The following PLCB1 variants were observed in gnomAD, a reference collection of about 807,000 sequenced individuals.
PLCB1 encodes 1-phosphatidylinositol 4,5-bisphosphate phosphodiesterase beta-1.
A neutral mutation model predicts 161.8 loss-of-function variants in PLCB1; 46 were observed. The observed-to-expected ratio is 0.28, with a 90% CI of 0.22 to 0.36. PLCB1 has a LOEUF of 0.36. PLCB1 is among the 10% of genes least tolerant of loss of function. The pLI, the probability that PLCB1 is intolerant of heterozygous loss-of-function variation, is 1.00. For synonymous variants in PLCB1, 517 were observed against 503.7 expected (o/e 1.03, Z -0.35); for missense variants, 1,016 against 1,472.5 (o/e 0.69, Z 5.07).
chr20:8,216,404 T>G (rs889204280), intron 2 of PLCB1, among the ~76,000 whole-genome samples: 5 of 152,094 alleles, frequency 3.3e-5, no homozygotes, highest in African/African-American at 1.2e-4. Flanking sequence ...CAAACCTCAA[T>G]CTGAAACCAT....
intron 2 of PLCB1, among the ~76,000 whole-genome samples, chr20:8,369,597 G>A (rs551282563): frequency 6.6e-6 from 1 of 152,296 alleles, no homozygotes; most frequent in East Asian, 1.9e-4. Context: ...TATTGTGGAT[G>A]GTGTGGCCTT....
intron 4 of PLCB1, among the ~76,000 whole-genome samples, chr20:8,644,706 G>C (rs1435724637): frequency 6.6e-6 from 1 of 150,884 alleles, no homozygotes; most frequent in Non-Finnish European, 1.5e-5. Context: ...AGGGAGGTGG[G>C]GGGGTCAGCC....
At chr20:8,813,572 A>G (rs1984936950) in intron 31 of PLCB1, among the ~76,000 whole-genome samples, 2 of 152,152 alleles carry the variant, frequency 1.3e-5, no homozygotes, top group African/African-American at 4.8e-5. Flanking sequence ...GCTCACACCT[A>G]TAATCCCAGC....
chr20:8,795,889 A>AG (rs1230330919), intron 31 of PLCB1, among the ~76,000 whole-genome samples: 21 of 135,652 alleles, frequency 1.5e-4, no homozygotes, highest in African/African-American at 4.5e-4. Context: ...AAAAAAAAAA[A>AG]AAAAAGAAAA....
chr20:8,746,606 AAG>A (rs1981185353), intron 23 of PLCB1, among the ~76,000 whole-genome samples: 1 of 152,062 alleles, frequency 6.6e-6, no homozygotes, highest in East Asian at 1.9e-4. Context: ...CTGCCTCCCA[AAG>A]CACTGAGATT....
chr20:8,877,119 T>A (rs1238552139), intron 31 of PLCB1, among the ~76,000 whole-genome samples: 3 of 152,130 alleles, frequency 2.0e-5, no homozygotes, highest in African/African-American at 7.2e-5. Flanking sequence ...TTGCACAGAA[T>A]AGAAATTCAA....
At chr20:8,152,826 C>T (rs78419770) in intron 2 of PLCB1, among the ~76,000 whole-genome samples, 2,571 of 152,224 alleles carry the variant, frequency 0.017, 49 homozygotes, top group African/African-American at 0.056. Context: ...CATCTGAGGC[C>T]TAGTCTGCTC....
At chr20:8,684,229 A>ATTATAT (rs1555783087) in intron 9 of PLCB1, among the ~76,000 whole-genome samples, 12 of 145,148 alleles carry the variant, frequency 8.3e-5, no homozygotes, top group African/African-American at 3.0e-4. Context: ...CCACTTGTAA[A>ATTATAT]TTATTTATTT....
At chr20:8,814,520 T>G (rs1025145270) in intron 31 of PLCB1, among the ~76,000 whole-genome samples, 2 of 150,930 alleles carry the variant, frequency 1.3e-5, no homozygotes, top group African/African-American at 4.9e-5. Flanking sequence ...ATCCATCCAT[T>G]TATCCATCCA....
intron 3 of PLCB1, among the ~76,000 whole-genome samples, chr20:8,427,818 C>A (rs998162478): frequency 6.6e-6 from 1 of 152,156 alleles, no homozygotes; most frequent in African/African-American, 2.4e-5. Flanking sequence ...TACTGGTATG[C>A]AGGACCTGAA....
At chr20:8,307,865 G>A (rs1381282153) in intron 2 of PLCB1, among the ~76,000 whole-genome samples, 1 of 151,686 alleles carries the variant, frequency 6.6e-6, no homozygotes, top group African/African-American at 2.4e-5. Flanking sequence ...GATGTTGACA[G>A]TGAGCTAAGA....
At chr20:8,218,400 A>G (rs1345285931) in intron 2 of PLCB1, among the ~76,000 whole-genome samples, 1 of 152,090 alleles carries the variant, frequency 6.6e-6, no homozygotes, top group East Asian at 1.9e-4. Context: ...TTCCCCAACT[A>G]GTAAGAAGCA....
At chr20:8,820,356 A>G (rs1460498941) in intron 31 of PLCB1, among the ~76,000 whole-genome samples, 1 of 152,060 alleles carries the variant, frequency 6.6e-6, no homozygotes, top group Non-Finnish European at 1.5e-5. Flanking sequence ...ATGGAAAAAC[A>G]CAAACGATTG....
chr20:8,166,511 C>A (rs1261421873), intron 2 of PLCB1, among the ~76,000 whole-genome samples: 1 of 152,152 alleles, frequency 6.6e-6, no homozygotes, highest in Non-Finnish European at 1.5e-5. Context: ...ATCTCACCTG[C>A]ACTTAAAACT....
At chr20:8,499,659 T>C (rs1983323209) in intron 3 of PLCB1, among the ~76,000 whole-genome samples, 1 of 152,222 alleles carries the variant, frequency 6.6e-6, no homozygotes, top group Admixed American at 6.5e-5. Context: ...TTCAGGTAGC[T>C]CAAAGGATAT....
At chr20:8,315,737 C>A (rs1333253796) in intron 2 of PLCB1, among the ~76,000 whole-genome samples, 2 of 152,030 alleles carry the variant, frequency 1.3e-5, no homozygotes, top group African/African-American at 4.8e-5. Flanking sequence ...CTATTCTGCC[C>A]CAAGACAGCC....
intron 19 of PLCB1, among the ~76,000 whole-genome samples, chr20:8,734,441 G>T (rs939013273): frequency 1.3e-5 from 2 of 151,370 alleles, no homozygotes; most frequent in South Asian, 2.1e-4. Flanking sequence ...TACTTTAAAT[G>T]GTTTTTGAAA....
chr20:8,283,660 T>C (rs1012000437), intron 2 of PLCB1, among the ~76,000 whole-genome samples: 1 of 152,052 alleles, frequency 6.6e-6, no homozygotes, highest in East Asian at 1.9e-4. Context: ...TTATTTTTCA[T>C]ATTACCTCTC....
intron 16 of PLCB1, 47 bp downstream of exon 16, chr20:8,724,799 A>G (rs932606803): frequency 9.9e-7 from 1 of 1,007,816 alleles, no homozygotes. Flanking sequence ...TATAATGATT[A>G]TATTTTAAAT....
Sources: allele counts gnomAD v4.1 joint callset (sites outside exome capture counted in the v4.1 genomes callset), GRCh38; gene constraint gnomAD v4.1.1; transcripts MANE v1.5; gene names NCBI Gene and HGNC (gene_info 2026-07-23, HGNC 2026-07-21).